GPHN: variants seen among roughly 807,000 people sequenced by gnomAD.
GPHN encodes gephyrin.
In GPHN, 17 loss-of-function variants were observed where a neutral mutation model predicts 95.5. The ratio of observed to expected loss-of-function variants is 0.18; its 90% CI spans 0.12 to 0.27. The LOEUF (loss-of-function observed/expected upper bound fraction) is 0.27. Among genes scored for constraint, GPHN ranks in the 10% least tolerant of loss-of-function variants. The pLI, the probability that GPHN is intolerant of heterozygous loss-of-function variation, is 1.00. For synonymous variants in GPHN, 320 were observed against 322.5 expected (o/e 0.99, Z 0.08); for missense variants, 660 against 978.1 (o/e 0.67, Z 4.34).
intron 3 of GPHN, among the ~76,000 whole-genome samples, chr14:66,788,595 A>C (rs138549426): frequency 6.6e-6 from 1 of 152,286 alleles, no homozygotes. Context: ...CCAAATAAAC[A>C]TTTCATCTTT....
At chr14:67,626,282 A>G in the GPHN span, among the ~76,000 whole-genome samples, 1 of 152,086 alleles carries the variant, frequency 6.6e-6, no homozygotes, top group Admixed American at 6.6e-5. Flanking sequence ...CAAAACTACA[A>G]TGAAATACCA....
At chr14:67,224,619 T>C in the GPHN span, 1 of 292,786 alleles carries the variant, frequency 3.4e-6, no homozygotes, top group South Asian at 2.9e-5. Flanking sequence ...TCTCCTTAAC[T>C]TTTAAATTTT....
the GPHN span, among the ~76,000 whole-genome samples, chr14:67,340,807 G>T: frequency 6.6e-6 from 1 of 152,134 alleles, no homozygotes. Flanking sequence ...CCGAGTGCCT[G>T]CGATTGCAGG....
chr14:66,770,878 G>GGT (rs898107797), intron 2 of GPHN, among the ~76,000 whole-genome samples: 5 of 151,716 alleles, frequency 3.3e-5, no homozygotes, highest in African/African-American at 4.8e-5. Context: ...GTTTATCATA[G>GGT]GTGTGTGTGT....
At chr14:66,544,429 A>T (rs1227666461) in intron 1 of GPHN, among the ~76,000 whole-genome samples, 3 of 152,204 alleles carry the variant, frequency 2.0e-5, no homozygotes, top group African/African-American at 4.8e-5. Flanking sequence ...TCCTCGTTTG[A>T]ATAAGTTTCA....
intron 2 of GPHN, among the ~76,000 whole-genome samples, chr14:66,699,972 AT>A (rs911541157): frequency 5.9e-5 from 9 of 152,258 alleles, no homozygotes; most frequent in East Asian, 3.9e-4. Context: ...GATAACTACT[AT>A]TTTTTTAAAC....
chr14:66,840,154 C>G (rs954734190), intron 4 of GPHN, among the ~76,000 whole-genome samples: 1 of 152,124 alleles, frequency 6.6e-6, no homozygotes, highest in African/African-American at 2.4e-5. Context: ...TGACATGCCC[C>G]TGTAATCCCA....
At chr14:66,554,376 T>C (rs893495933) in intron 1 of GPHN, among the ~76,000 whole-genome samples, 1 of 152,202 alleles carries the variant, frequency 6.6e-6, no homozygotes, top group African/African-American at 2.4e-5. Flanking sequence ...CTATAAAGGA[T>C]ACTACCTGAG....
the GPHN span, among the ~76,000 whole-genome samples, chr14:67,276,792 A>G: frequency 6.6e-6 from 1 of 152,200 alleles, no homozygotes; most frequent in East Asian, 1.9e-4. Flanking sequence ...ATGATAGTAA[A>G]TAGTACAAGC....
the GPHN span, chr14:67,381,449 T>G: frequency 1.9e-6 from 1 of 532,752 alleles, no homozygotes; most frequent in Non-Finnish European, 3.3e-6. Flanking sequence ...TGCCTCCCTT[T>G]TATAAATAAG....
the GPHN span, among the ~76,000 whole-genome samples, chr14:67,674,087 A>C: frequency 2.6e-5 from 4 of 152,206 alleles, no homozygotes; most frequent in African/African-American, 4.8e-5. Context: ...CCCACTCTAC[A>C]TTACAGGACC....
At chr14:67,157,680 C>T (rs1440672039) in intron 18 of GPHN, among the ~76,000 whole-genome samples, 2 of 151,796 alleles carry the variant, frequency 1.3e-5, no homozygotes, top group African/African-American at 2.4e-5. Flanking sequence ...AAAAATTCGC[C>T]GGGCATGGTG....
the GPHN span, among the ~76,000 whole-genome samples, chr14:67,219,905 A>G: frequency 2.0e-5 from 3 of 152,312 alleles, 1 homozygote; most frequent in South Asian, 6.2e-4. Flanking sequence ...ATTTCTTTTT[A>G]TTGCCTATTT....
At chr14:66,514,300 T>C (rs1489736181) in intron 1 of GPHN, among the ~76,000 whole-genome samples, 1 of 151,986 alleles carries the variant, frequency 6.6e-6, no homozygotes, top group Admixed American at 6.6e-5. Flanking sequence ...GCTCCAGATC[T>C]CGTCATTCTT....
chr14:67,215,037 A>C, the GPHN span, among the ~76,000 whole-genome samples: 102 of 152,282 alleles, frequency 6.7e-4, 1 homozygote, highest in African/African-American at 2.4e-3. Context: ...ACTTTGCTGA[A>C]GTTGCTTGTC....
intron 10 of GPHN, among the ~76,000 whole-genome samples, chr14:67,029,622 C>G (rs1052638733): frequency 1.2e-4 from 18 of 152,332 alleles, no homozygotes; most frequent in African/African-American, 4.1e-4. Context: ...CAGGCGTGAG[C>G]CACTGCGCCC....
chr14:66,562,657 G>A (rs2060309741), intron 1 of GPHN, among the ~76,000 whole-genome samples: 1 of 152,118 alleles, frequency 6.6e-6, no homozygotes, highest in African/African-American at 2.4e-5. Flanking sequence ...GGGACTTTGA[G>A]CTACTAAGAA....
At chr14:66,634,212 A>C (rs1237276852) in intron 1 of GPHN, among the ~76,000 whole-genome samples, 1 of 151,570 alleles carries the variant, frequency 6.6e-6, no homozygotes, top group Non-Finnish European at 1.5e-5. Context: ...TGATATTTGC[A>C]CATCTGGTGT....
chr14:66,542,507 T>C (rs2059389050), intron 1 of GPHN, among the ~76,000 whole-genome samples: 1 of 152,158 alleles, frequency 6.6e-6, no homozygotes, highest in Admixed American at 6.5e-5. Flanking sequence ...TTTCTACCCA[T>C]TATTCTTTAC....
Sources: allele counts gnomAD v4.1 joint callset (sites outside exome capture counted in the v4.1 genomes callset), GRCh38; gene constraint gnomAD v4.1.1; transcripts MANE v1.5; gene names NCBI Gene and HGNC (gene_info 2026-07-23, HGNC 2026-07-21).